The following FOXP1 variants were observed in gnomAD, a reference collection of about 807,000 sequenced individuals.
FOXP1 encodes forkhead box P1, also known as forkhead box protein P1.
Under a neutral mutation model 98.2 loss-of-function variants are expected in FOXP1, and 15 were observed. That is an observed-to-expected ratio of 0.15 (90% CI 0.10 to 0.24). FOXP1 has a LOEUF of 0.24. FOXP1 is among the 10% of genes least tolerant of loss of function. FOXP1 has a pLI of 1.00. For synonymous variants in FOXP1, 371 were observed against 314.5 expected, an observed-to-expected ratio of 1.18 and a Z score of -1.90; for missense variants, 633 against 848.5, an observed-to-expected ratio of 0.75 and a Z score of 3.15.
In FOXP1 at chr3:71,050,394, T is replaced by C. The variant is rs1197411559; in HGVS notation, c.510+2143A>G. On this transcript the variant is annotated intron_variant, in intron 9 of 20. Coordinates refer to ENST00000649528, the MANE Select transcript of FOXP1 (RefSeq NM_001349338.3). ...GTGGCAACAGAAAGGAAAAACGCAA[T>C]CCCTGGTAACTGATAAGAATGACAG... Among the ~76,000 whole-genome samples, 4 of 152,174 alleles carry C rather than the reference T, an allele frequency of 2.6e-5. No individual in the cohort carries two copies. The East Asian group carries it at 7.7e-4, about 29-fold the overall frequency.
intron 6 of FOXP1, among the ~76,000 whole-genome samples, chr3:71,113,455 G>C (rs1233506972): frequency 2.0e-5 from 3 of 152,130 alleles, no homozygotes; most frequent in Non-Finnish European, 4.4e-5. Context: ...AGCAGGCTGG[G>C]CGTTGTGGCT....
At chr3:71,572,400 C>T (rs888791671) in intron 2 of FOXP1, 1 of 152,084 alleles carries the variant, frequency 6.6e-6, no homozygotes, top group Non-Finnish European at 1.5e-5. Flanking sequence ...GTTTTAGGCT[C>T]AAATTTAAAG....
At chr3:71,275,184 T>G (rs1489575763) in intron 5 of FOXP1, among the ~76,000 whole-genome samples, 2 of 152,242 alleles carry the variant, frequency 1.3e-5, no homozygotes, top group Non-Finnish European at 2.9e-5. Flanking sequence ...TCACTTAATA[T>G]ATATTGGAGA....
intron 6 of FOXP1, among the ~76,000 whole-genome samples, chr3:71,187,557 T>C (rs1401439980): frequency 6.6e-6 from 1 of 152,208 alleles, no homozygotes; most frequent in Non-Finnish European, 1.5e-5. Context: ...CACTCCAGCC[T>C]GGGCGACAAG....
chr3:71,027,768 A>C (rs1434099028), intron 11 of FOXP1, among the ~76,000 whole-genome samples: 1 of 152,192 alleles, frequency 6.6e-6, no homozygotes, highest in Non-Finnish European at 1.5e-5. Flanking sequence ...TTAGCCACCA[A>C]TTTTTATAAC....
chr3:71,398,053 C>T (rs1409236883), intron 3 of FOXP1, among the ~76,000 whole-genome samples: 3 of 152,152 alleles, frequency 2.0e-5, no homozygotes, highest in East Asian at 3.9e-4. Context: ...CAACCATTTT[C>T]TTTTTTTATC....
intron 11 of FOXP1, among the ~76,000 whole-genome samples, chr3:71,016,327 G>A (rs982611852): frequency 5.9e-5 from 9 of 152,124 alleles, no homozygotes; most frequent in Admixed American, 6.6e-5. Flanking sequence ...CAATCAATAC[G>A]TAATGATCTG....
chr3:71,088,504 C>A (rs1009911398), intron 7 of FOXP1, among the ~76,000 whole-genome samples: 5 of 151,572 alleles, frequency 3.3e-5, no homozygotes, highest in African/African-American at 1.2e-4. Context: ...GTGTCTAGGT[C>A]AACACAACCA....
intron 20 of FOXP1, 59 bp downstream of exon 20, chr3:70,965,831 C>T (rs1024926223): frequency 1.6e-5 from 24 of 1,505,484 alleles, no homozygotes; most frequent in Admixed American, 8.4e-5. Context: ...TGTCTCCCTG[C>T]GTGTACCTAG....
intron 15 of FOXP1, 25 bp downstream of exon 15, chr3:70,977,803 G>A (rs770557063): frequency 1.3e-5 from 21 of 1,612,240 alleles, no homozygotes; most frequent in Non-Finnish European, 1.7e-5. Flanking sequence ...ACAACTCTAC[G>A]TGAGGCAAAA....
At chr3:71,488,358 A>C (rs1487435500) in intron 3 of FOXP1, among the ~76,000 whole-genome samples, 1 of 152,238 alleles carries the variant, frequency 6.6e-6, no homozygotes, top group African/African-American at 2.4e-5. Flanking sequence ...GAAGAACTTA[A>C]AAGTAAATTT....
chr3:71,365,791 T>C (rs2078884312), intron 3 of FOXP1, among the ~76,000 whole-genome samples: 1 of 152,200 alleles, frequency 6.6e-6, no homozygotes, highest in Admixed American at 6.5e-5. Flanking sequence ...GAGACCAGCC[T>C]GGCCAACACG....
chr3:71,345,128 G>A (rs1054544083), intron 4 of FOXP1, among the ~76,000 whole-genome samples: 3 of 151,756 alleles, frequency 2.0e-5, no homozygotes, highest in Non-Finnish European at 4.4e-5. Flanking sequence ...GGTGGCTCAC[G>A]CCTGTAATCC....
Position 71,268,174 on chromosome 3 carries a change from T to C in FOXP1, c.-12+31646A>G, listed in dbSNP as rs1426536315. ...GGCACGATCTCGGCTCACTGCAAACTCCGCCTCCCGGGTTCACGCCATTCT... is the reference window on the plus strand; with the variant it reads ...GGCACGATCTCGGCTCACTGCAAACCCCGCCTCCCGGGTTCACGCCATTCT... On this transcript the variant is annotated intron_variant, in intron 5 of 20. Coordinates refer to ENST00000649528, the MANE Select transcript of FOXP1 (RefSeq NM_001349338.3). Among the ~76,000 whole-genome samples the C allele has an allele frequency of 5.1e-5, 7 of 136,352 alleles. No homozygotes were observed. In the South Asian group the frequency reaches 7.7e-4, roughly 15 times the overall value. The allele number at this position is 136,352 out of a possible 152,430, so 89.5% of individuals were successfully genotyped here.
intron 5 of FOXP1, among the ~76,000 whole-genome samples, chr3:71,222,140 A>C (rs1356755660): frequency 6.6e-6 from 1 of 152,058 alleles, no homozygotes; most frequent in East Asian, 1.9e-4. Context: ...TGCCAGAGCG[A>C]GATTCCGTAT....
At chr3:71,266,080 T>A (rs1447738836) in intron 5 of FOXP1, among the ~76,000 whole-genome samples, 1 of 151,734 alleles carries the variant, frequency 6.6e-6, no homozygotes, top group Non-Finnish European at 1.5e-5. Flanking sequence ...TTGCTAGCGC[T>A]GCAAAGATGG....
At chr3:71,041,786 T>C (rs939318041) in intron 10 of FOXP1, among the ~76,000 whole-genome samples, 1 of 152,120 alleles carries the variant, frequency 6.6e-6, no homozygotes, top group African/African-American at 2.4e-5. Context: ...ACAGTTACTT[T>C]GCCACAACAG....
chr3:71,580,241 G>C lies in FOXP1; in HGVS notation c.-298+1308C>G, dbSNP rs943509356. 6.6e-5 allele frequency among the ~76,000 whole-genome samples: 10 copies of C among 151,856 alleles called. No individual in the cohort carries two copies. In the South Asian group the frequency reaches 1.2e-3, roughly 19 times the overall value. ...TACAATGACTAATCCAAAGTCTAAG[G>C]GGGGTGGGGGATGCAGCCAGTGGCA... On this transcript the variant is annotated intron_variant, in intron 2 of 20. Coordinates refer to ENST00000649528, the MANE Select transcript of FOXP1 (RefSeq NM_001349338.3).
chr3:71,101,709 C>T (rs540979180), intron 7 of FOXP1, among the ~76,000 whole-genome samples: 1 of 149,238 alleles, frequency 6.7e-6, no homozygotes, highest in Non-Finnish European at 1.5e-5. Context: ...CACAAGGAAG[C>T]AGCAGGCACA....
Sources: gnomAD v4.1 joint callset for allele counts (sites outside exome capture counted in the v4.1 genomes callset) on GRCh38, gnomAD v4.1.1 for gene constraint, MANE v1.5 for transcripts, NCBI Gene and HGNC (gene_info 2026-07-23, HGNC 2026-07-21) for gene names.